RIPOR2: variants seen among roughly 807,000 people sequenced by gnomAD.
RIPOR2 encodes the protein RHO family interacting cell polarization regulator 2.
Under a neutral mutation model 114.5 loss-of-function variants are expected in RIPOR2, and 39 were observed. That is an observed-to-expected ratio of 0.34 (90% CI 0.26 to 0.44). The LOEUF (loss-of-function observed/expected upper bound fraction) is 0.44, where lower values mean the gene tolerates loss of function less well. Ranked by LOEUF, RIPOR2 falls within the 20% of genes least tolerant of loss-of-function variation. RIPOR2 has a pLI of 1.00. For missense variants in RIPOR2, 1,007 were observed against 1,255.1 expected (o/e 0.80, Z 2.99); for synonymous variants, 445 against 484.4 (o/e 0.92, Z 1.07).
intron 1 of RIPOR2, chr6:25,015,672 T>C (rs183874167): frequency 3.7e-4 from 57 of 152,204 alleles, no homozygotes; most frequent in African/African-American, 1.3e-3. Context: ...TTATAGTAAT[T>C]GGGAAATAAA....
At chr6:24,927,562 C>T (rs1771052633) in intron 1 of RIPOR2, among the ~76,000 whole-genome samples, 1 of 151,664 alleles carries the variant, frequency 6.6e-6, no homozygotes, top group East Asian at 1.9e-4. Context: ...ATCATCATCA[C>T]CTTACCACCA....
intron 1 of RIPOR2, chr6:24,910,701 A>G: frequency 1.8e-6 from 1 of 568,030 alleles, no homozygotes; most frequent in Non-Finnish European, 2.2e-6. Flanking sequence ...CTCCAGTTTC[A>G]ACGGCTGCTT....
chr6:24,809,189 GAT>G (rs796821507), intron 21 of RIPOR2, among the ~76,000 whole-genome samples: 2 of 152,320 alleles, frequency 1.3e-5, no homozygotes, highest in African/African-American at 4.8e-5. Context: ...GGATTATCTG[GAT>G]ATTTCAGAAT....
At chr6:24,821,048 T>G (rs988295163) in intron 19 of RIPOR2, among the ~76,000 whole-genome samples, 2 of 151,886 alleles carry the variant, frequency 1.3e-5, no homozygotes, top group Non-Finnish European at 2.9e-5. Context: ...AATTTTTGTA[T>G]TTTTAGTACG....
intron 12 of RIPOR2, among the ~76,000 whole-genome samples, chr6:24,845,109 T>C (rs1263477080): frequency 6.6e-6 from 1 of 152,054 alleles, no homozygotes; most frequent in African/African-American, 2.4e-5. Flanking sequence ...AGTGAAATGA[T>C]GTGTCACTGG....
At chr6:25,023,652 T>G (rs1319266427) in intron 1 of RIPOR2, 1 of 762,696 alleles carries the variant, frequency 1.3e-6, no homozygotes, top group Non-Finnish European at 2.4e-6. Context: ...GTCTCATAGA[T>G]ACCTCGGGAC....
intron 13 of RIPOR2, among the ~76,000 whole-genome samples, chr6:24,842,533 A>G (rs1225532698): frequency 6.6e-6 from 1 of 152,178 alleles, no homozygotes; most frequent in Non-Finnish European, 1.5e-5. Context: ...GAGGGATCCT[A>G]TCCAGTAACG....
At chr6:24,861,420 T>C (rs1009316241) in intron 7 of RIPOR2, among the ~76,000 whole-genome samples, 1 of 152,184 alleles carries the variant, frequency 6.6e-6, no homozygotes, top group African/African-American at 2.4e-5. Context: ...AATATCCTGA[T>C]TTGAAAGTAA....
rs187105358 is a variant in RIPOR2 at position 24,837,273 on chromosome 6, C to A, written c.2040-1402G>T. On this transcript the variant is annotated intron_variant, in intron 14 of 21. Coordinates refer to ENST00000643898, the MANE Select transcript of RIPOR2 (RefSeq NM_001286445.3). ...GAGTAACTAGGACTACAGGCGTACA[C>A]CACCATGCCTGGCTAATTTTTGTAT... Among the ~76,000 whole-genome samples, 4 of 152,230 alleles carry A rather than the reference C, an allele frequency of 2.6e-5. No homozygotes were observed. The East Asian group carries it at 7.7e-4, about 29-fold the overall frequency.
Position 24,935,884 on chromosome 6 carries a change from A to T in RIPOR2, c.15T>A (p.Asp5Glu), listed in dbSNP as rs1771773431. MQFF[D>E]AEELLVDEED... ...CTTCATCGACCAGGAGCTCCTCAGC[A>T]TCAAAAAACTGCATCTTGGAGAGGA... Residue 5 changes from aspartate to glutamate, a missense_variant, in exon 1 of 22, where the codon GAT becomes GAA. Coordinates refer to ENST00000643898, the MANE Select transcript of RIPOR2 (RefSeq NM_001286445.3). 1 of 1,535,508 alleles carries T rather than the reference A, an allele frequency of 6.5e-7. No homozygotes were observed. The highest frequency in any genetic ancestry group is 8.7e-7 in the Non-Finnish European group (1 of 1,146,748).
chr6:24,940,504 T>A (rs1228847654), upstream of RIPOR2, among the ~76,000 whole-genome samples: 1 of 151,998 alleles, frequency 6.6e-6, no homozygotes, highest in Non-Finnish European at 1.5e-5. Context: ...GTGGTAGGAA[T>A]CAGAAAAGAA....
At chr6:24,938,579 A>G (rs1385476245), upstream of RIPOR2, among the ~76,000 whole-genome samples, 1 of 152,246 alleles carries the variant, frequency 6.6e-6, no homozygotes, top group Non-Finnish European at 1.5e-5. Flanking sequence ...TTATAATTAT[A>G]CGCCTAAGTC....
Position 24,935,122 on chromosome 6 carries a change from A to G in RIPOR2, c.61+716T>C, listed in dbSNP as rs561009210. ...CAGGATTTCAAGACCAGCCTGGCCAACATGGCAAAATCCCATCTCTACTAA... is the reference window on the plus strand; with the variant it reads ...CAGGATTTCAAGACCAGCCTGGCCAGCATGGCAAAATCCCATCTCTACTAA... On this transcript the variant is annotated intron_variant, in intron 1 of 21. Coordinates refer to ENST00000643898, the MANE Select transcript of RIPOR2 (RefSeq NM_001286445.3). 5.8e-4 allele frequency among the ~76,000 whole-genome samples: 88 copies of G among 152,246 alleles called. 1 individual carries two copies. The highest frequency in any genetic ancestry group is 2.0e-3 in the African/African-American group (85 of 41,538).
At position 24,849,862 on chromosome 6, in the gene RIPOR2, A is replaced by T. The variant is rs1421791006; in HGVS notation, c.974T>A (p.Val325Glu). The change falls in exon 11 of 22, where the codon GTA becomes GAA. Residue 325 changes from valine (V) to glutamate (E), a missense_variant. Physicochemically the swap from Val to Glu is moderately radical, Grantham distance 121. Transcript: ENST00000643898. ...AAGGTCATTGATGTCGACAGCCACT[A>T]CCTGAGGTCGGGCTGCAAACAGCTC... The part of the protein sequence containing the change: ...TKELFAARPQ[V>E]VAVDINDLGT... 6.2e-7 allele frequency: 1 copy of T among 1,613,684 alleles called. No homozygotes were observed. Among genetic ancestry groups the T allele is most frequent in the African/African-American group, 1.3e-5 (1 of 74,886 alleles).
At chr6:24,969,700 C>T (rs9461085) in intron 1 of RIPOR2, among the ~76,000 whole-genome samples, 11,874 of 152,090 alleles carry the variant, frequency 0.078, 983 homozygotes, top group African/African-American at 0.21. Flanking sequence ...ACTCCAACTT[C>T]ACTTCCCTCC....
chr6:24,910,474 C>A (rs921254504), intron 1 of RIPOR2: 1 of 152,646 alleles, frequency 6.6e-6, no homozygotes, highest in African/African-American at 2.4e-5. Flanking sequence ...ACACCCCTCC[C>A]TGACTCCCGG....
rs902526598 is a variant in RIPOR2, at chr6:24,983,227, TAC to T, written c.76+58622_76+58623del. On this transcript the variant is annotated intron_variant, in intron 1 of 13. Coordinates refer to the RIPOR2 transcript ENST00000510784. Reference sequence around the variant, plus strand: ...ACACACACACACACACATACATATATACACACACACACAGGCACACACATATA... The same window carrying T: ...ACACACACACACACACATACATATATACACACACACAGGCACACACATATA... Among the ~76,000 whole-genome samples the T allele has an allele frequency of 8.2e-3, 1,226 of 149,306 alleles. 16 individuals carry two copies. Among genetic ancestry groups the T allele is most frequent in the African/African-American group, 0.025 (1,034 of 40,970 alleles).
chr6:24,829,088 T>C (rs1402610797), intron 17 of RIPOR2, among the ~76,000 whole-genome samples: 2 of 151,446 alleles, frequency 1.3e-5, no homozygotes, highest in Non-Finnish European at 2.9e-5. Flanking sequence ...CTGAGGCAGG[T>C]GAATCACCTG....
At chr6:24,829,006 G>A (rs1279826904) in intron 17 of RIPOR2, among the ~76,000 whole-genome samples, 1 of 152,060 alleles carries the variant, frequency 6.6e-6, no homozygotes, top group Non-Finnish European at 1.5e-5. Flanking sequence ...GCAACAATGT[G>A]TTCTTTTTAA....
Sources: allele counts gnomAD v4.1 joint callset (sites outside exome capture counted in the v4.1 genomes callset), GRCh38; gene constraint gnomAD v4.1.1; transcripts MANE v1.5; gene names NCBI Gene and HGNC (gene_info 2026-07-23, HGNC 2026-07-21).